PTPRT: variants seen among roughly 807,000 people sequenced by gnomAD.
PTPRT encodes the protein protein tyrosine phosphatase receptor type T, also known as receptor-type tyrosine-protein phosphatase T.
Under a neutral mutation model 176.8 loss-of-function variants are expected in PTPRT, and 56 were observed. The observed-to-expected ratio is 0.32, with a 90% CI of 0.26 to 0.40. The LOEUF is 0.40. PTPRT is among the 10% of genes least tolerant of loss of function. The pLI, the probability that PTPRT is intolerant of heterozygous loss-of-function variation, is 1.00. For synonymous variants in PTPRT, 783 were observed against 739.0 expected (o/e 1.06, Z -0.96); for missense variants, 1,540 against 1,908.2 (o/e 0.81, Z 3.60).
At chr20:43,072,644 G>A (rs2011196399) in intron 1 of PTPRT, among the ~76,000 whole-genome samples, 1 of 152,068 alleles carries the variant, frequency 6.6e-6, no homozygotes, top group Admixed American at 6.6e-5. Flanking sequence ...TACCCAAACT[G>A]CATTTGTTTC....
intron 7 of PTPRT, among the ~76,000 whole-genome samples, chr20:42,502,661 T>C: frequency 6.6e-6 from 1 of 152,106 alleles, no homozygotes; most frequent in African/African-American, 2.4e-5. Flanking sequence ...TGAATAGATA[T>C]AAACTATTAA....
At chr20:42,452,123 G>T (rs1471580510) in intron 8 of PTPRT, among the ~76,000 whole-genome samples, 1 of 152,008 alleles carries the variant, frequency 6.6e-6, no homozygotes, top group Non-Finnish European at 1.5e-5. Flanking sequence ...ACAAAAATTA[G>T]CTGGGTATGG....
chr20:42,561,084 A>G (rs1425322866), intron 7 of PTPRT, among the ~76,000 whole-genome samples: 5 of 152,244 alleles, frequency 3.3e-5, no homozygotes, highest in Admixed American at 2.0e-4. Context: ...CCTAGGATGC[A>G]GCAATCACCT....
chr20:42,924,525 A>G (rs768847498), intron 1 of PTPRT, among the ~76,000 whole-genome samples: 3 of 152,152 alleles, frequency 2.0e-5, no homozygotes, highest in Non-Finnish European at 4.4e-5. Context: ...ACTTTTCCTA[A>G]ACCCCATACA....
intron 16 of PTPRT, among the ~76,000 whole-genome samples, chr20:42,197,516 T>A: frequency 6.7e-6 from 1 of 148,468 alleles, no homozygotes; most frequent in Admixed American, 6.8e-5. Flanking sequence ...TGGATTAAAA[T>A]AACAAACAAA....
rs1012532288 is a variant in PTPRT at position 42,635,626 on chromosome 20, C to T, written c.1153+42240G>A. On this transcript the variant is annotated intron_variant, in intron 7 of 30. Transcript: ENST00000373187. ...GTGTAGTAATATGCTCAGATGATTA[C>T]ATTTGAACAAATACCATGGTAATAA... Among the ~76,000 whole-genome samples, 38 of 152,218 alleles carry T rather than the reference C, an allele frequency of 2.5e-4. 1 individual carries two copies. Among genetic ancestry groups the T allele is most frequent in the African/African-American group, 8.9e-4 (37 of 41,534 alleles).
At position 43,189,695 on chromosome 20, in the gene PTPRT, C is replaced by T. The variant is rs1186807411; in HGVS notation, c.39G>A (p.Leu13=). Residue 13 remains leucine (L), a synonymous_variant, in exon 1 of 31, where the codon CTG becomes CTA. Transcript: ENST00000373187. The surrounding 1 kb of genome is among the most constrained non-coding windows in gnomAD (Gnocchi z 5.0). ...CGGGCAGTGGCGGCAGCTGCAGCCTCAGGAGCAGGCTGAGGGCGAGCGCGG... is the reference window on the plus strand; with the variant it reads ...CGGGCAGTGGCGGCAGCTGCAGCCTTAGGAGCAGGCTGAGGGCGAGCGCGG... ...SLAALALSLL[L]RLQLPPLPGA... is the part of the protein sequence containing the mutation. 7.6e-7 allele frequency: 1 copy of T among 1,317,824 alleles called. No homozygotes were observed. The allele number at this position is 1,317,824 out of a possible 1,614,324, so 81.6% of individuals were successfully genotyped here. A position where few individuals can be genotyped will look rare whatever the true frequency, so the allele number is the denominator to read the frequency against.
chr20:42,869,008 T>G (rs2078798619), intron 2 of PTPRT, among the ~76,000 whole-genome samples: 1 of 152,176 alleles, frequency 6.6e-6, no homozygotes, highest in Non-Finnish European at 1.5e-5. Context: ...GGCATCCACA[T>G]GGTGTTGACC....
intron 9 of PTPRT, among the ~76,000 whole-genome samples, chr20:42,368,589 A>G (rs187454483): frequency 6.6e-6 from 1 of 152,278 alleles, no homozygotes; most frequent in African/African-American, 2.4e-5. Flanking sequence ...AGAGTTCACA[A>G]ATCCCCCAAA....
Position 42,847,954 on chromosome 20 carries a change from C to A in PTPRT, c.214+37853G>T, listed in dbSNP as rs2078404192. 1.3e-5 allele frequency among the ~76,000 whole-genome samples: 2 copies of A among 152,132 alleles called. 1 individual carries two copies. The highest frequency in any genetic ancestry group is 4.8e-5 in the African/African-American group (2 of 41,406). ...CATCACCCTAGCAGTATACACCGTA[C>A]CCAATTTGTAGTATTTTATCCCTCA... On this transcript the variant is annotated intron_variant, in intron 2 of 30. Transcript: ENST00000373187.
At chr20:42,833,286 C>G (rs932150884) in intron 2 of PTPRT, among the ~76,000 whole-genome samples, 3 of 141,224 alleles carry the variant, frequency 2.1e-5, no homozygotes, top group African/African-American at 7.7e-5. Context: ...AAAAAAAAAA[C>G]TTGGCCAAGC....
chr20:42,300,932 G>A (rs1205411330), intron 12 of PTPRT, among the ~76,000 whole-genome samples: 1 of 150,856 alleles, frequency 6.6e-6, no homozygotes, highest in Non-Finnish European at 1.5e-5. Flanking sequence ...CACAGGAAGG[G>A]GAACATCACA....
At chr20:42,565,375 A>G (rs2073020639) in intron 7 of PTPRT, among the ~76,000 whole-genome samples, 1 of 152,184 alleles carries the variant, frequency 6.6e-6, no homozygotes, top group Non-Finnish European at 1.5e-5. Flanking sequence ...GAGCAATTAT[A>G]TTCCATCCGG....
chr20:43,174,132 G>A (rs1359493589), intron 1 of PTPRT, among the ~76,000 whole-genome samples: 1 of 152,188 alleles, frequency 6.6e-6, no homozygotes, highest in Non-Finnish European at 1.5e-5. Flanking sequence ...TTCTCCATAA[G>A]TATGAATTTT....
At chr20:42,605,685 G>T (rs1420785881) in intron 7 of PTPRT, among the ~76,000 whole-genome samples, 2 of 152,202 alleles carry the variant, frequency 1.3e-5, no homozygotes, top group Non-Finnish European at 2.9e-5. Context: ...AGCAAAGACC[G>T]ATCTGCACAG....
intron 16 of PTPRT, among the ~76,000 whole-genome samples, chr20:42,184,588 CTTCT>C (rs1457231028): frequency 2.3e-4 from 33 of 142,704 alleles, no homozygotes; most frequent in African/African-American, 8.5e-4. Context: ...TCTTCTTCTT[CTTCT>C]TCCTCTTCTT....
intron 13 of PTPRT, among the ~76,000 whole-genome samples, chr20:42,276,216 T>C (rs189900103): frequency 2.6e-4 from 39 of 151,900 alleles, no homozygotes; most frequent in Non-Finnish European, 4.9e-4. Context: ...AAGAATACTA[T>C]TGCTCTGCAG....
intron 7 of PTPRT, among the ~76,000 whole-genome samples, chr20:42,633,805 AT>A (rs1569037139): frequency 7.8e-5 from 6 of 76,622 alleles, no homozygotes; most frequent in African/African-American, 1.3e-4. Flanking sequence ...ATATATATAT[AT>A]ATATATATAT....
rs374374950 is a variant in PTPRT, at chr20:42,329,473, G to GCACACACA, written c.1866-13485_1866-13478dup. On this transcript the variant is annotated intron_variant, in intron 11 of 30. Transcript: ENST00000373187. ...AACAGTATAAACCAAGAATATAGTG[G>GCACACACA]CACACACACACACACACACACACAC... Among the ~76,000 whole-genome samples the GCACACACA allele has an allele frequency of 3.6e-4, 52 of 145,078 alleles. 1 individual carries two copies. Among genetic ancestry groups the GCACACACA allele is most frequent in the African/African-American group, 9.3e-4 (37 of 39,966 alleles).
Sources: gnomAD v4.1 joint callset for allele counts (sites outside exome capture counted in the v4.1 genomes callset) on GRCh38, gnomAD v4.1.1 for gene constraint, Gnocchi (gnomAD v3.1) non-coding constraint, MANE v1.5 for transcripts, NCBI Gene and HGNC (gene_info 2026-07-23, HGNC 2026-07-21) for gene names.